The following KDM4C variants were observed in gnomAD, a reference collection of about 807,000 sequenced individuals.
KDM4C encodes the protein lysine-specific demethylase 4C.
KDM4C carries 81 observed loss-of-function variants against 129.3 expected under a neutral mutation model. The ratio of observed to expected loss-of-function variants is 0.63; its 90% CI spans 0.52 to 0.75. The LOEUF is 0.75. KDM4C is among the 30% of genes least tolerant of loss of function. The probability of loss-of-function intolerance (pLI) is 0.00; values close to 1 mark genes in which losing one functional copy is unlikely to be tolerated. For missense variants in KDM4C, 1,457 were observed against 1,304.0 expected (o/e 1.12, Z -1.81); for synonymous variants, 573 against 456.1 (o/e 1.26, Z -3.26).
Position 6,941,565 on chromosome 9 carries a change from T to C in KDM4C, c.922-39360T>C, listed in dbSNP as rs148765414. 3.3e-5 allele frequency: 5 copies of C among 152,296 alleles called. No individual in the cohort carries two copies. In the East Asian group the frequency reaches 9.6e-4, roughly 29 times the overall value. 9.4% of individuals were successfully genotyped at this position (152,296 alleles called of 1,614,324 possible). On this transcript the variant is annotated intron_variant, in intron 8 of 21. Transcript: ENST00000381309. The stretch of plus-strand genomic sequence containing the variant: ...TTCAGGGCCAATGATCTAATTTTGC[T>C]TTTCCTCTGACTGTTACCAGGAGGG...
At chr9:6,744,465 C>T (rs2130275397) in intron 1 of KDM4C, among the ~76,000 whole-genome samples, 1 of 152,158 alleles carries the variant, frequency 6.6e-6, no homozygotes, top group Non-Finnish European at 1.5e-5. Flanking sequence ...GCGGAGGTTG[C>T]AGTGAGCTGA....
At chr9:7,076,593 G>C (rs2132885062) in intron 17 of KDM4C, 1 of 1,473,956 alleles carries the variant, frequency 6.8e-7, no homozygotes, top group Non-Finnish European at 9.0e-7. Flanking sequence ...ATCGTGTTTA[G>C]GATGGGGATA....
intron 19 of KDM4C, among the ~76,000 whole-genome samples, chr9:7,158,482 G>A (rs998875214): frequency 6.6e-6 from 1 of 152,072 alleles, no homozygotes; most frequent in African/African-American, 2.4e-5. Context: ...TGGGCATTTA[G>A]TGCTATAAAT....
At chr9:6,886,879 A>G (rs1845371915) in intron 6 of KDM4C, among the ~76,000 whole-genome samples, 1 of 152,104 alleles carries the variant, frequency 6.6e-6, no homozygotes, top group African/African-American at 2.4e-5. Context: ...TGGCTTCCCA[A>G]AGTGGTGGGA....
chr9:6,966,086 G>A (rs1830912577), intron 8 of KDM4C, among the ~76,000 whole-genome samples: 1 of 152,148 alleles, frequency 6.6e-6, no homozygotes, highest in South Asian at 2.1e-4. Context: ...CATTTAGATG[G>A]AAGTAAGTCT....
At chr9:6,784,632 C>A (rs1351939944) in intron 1 of KDM4C, among the ~76,000 whole-genome samples, 1 of 152,246 alleles carries the variant, frequency 6.6e-6, no homozygotes, top group East Asian at 1.9e-4. Context: ...GTCTGCTCTT[C>A]CATTCCTACC....
At chr9:7,099,788 C>G (rs959143516) in intron 17 of KDM4C, among the ~76,000 whole-genome samples, 1 of 152,374 alleles carries the variant, frequency 6.6e-6, no homozygotes, top group South Asian at 2.1e-4. Context: ...GAGATACCCA[C>G]TAACAGCTTT....
chr9:7,008,588 G>C (rs1231287513), intron 12 of KDM4C, among the ~76,000 whole-genome samples: 1 of 152,114 alleles, frequency 6.6e-6, no homozygotes, highest in East Asian at 1.9e-4. Context: ...CCTGGCATTG[G>C]GCCAACTCCC....
chr9:7,040,858 T>C (rs949682019), intron 15 of KDM4C, among the ~76,000 whole-genome samples: 4 of 151,896 alleles, frequency 2.6e-5, no homozygotes, highest in Non-Finnish European at 5.9e-5. Context: ...TGTAGCCAGG[T>C]ATGTTTTATT....
intron 18 of KDM4C, among the ~76,000 whole-genome samples, chr9:7,113,592 A>G (rs1490045756): frequency 2.0e-5 from 3 of 152,226 alleles, no homozygotes; most frequent in Admixed American, 6.5e-5. Flanking sequence ...GAGGAGAGCC[A>G]CTGCAAACTC....
rs148748865 is a variant in KDM4C, at chr9:6,736,302, G to A, written c.49+15305G>A. 9.5e-3 allele frequency among the ~76,000 whole-genome samples: 1,448 copies of A among 152,310 alleles called. 22 individuals are homozygous for A. The highest frequency in any genetic ancestry group is 0.033 in the African/African-American group (1,378 of 41,570). On this transcript the variant is annotated intron_variant, in intron 1 of 17. Coordinates refer to the KDM4C transcript ENST00000536108. ...AGATGCAGAAATTTGCATAAGTAAT[G>A]AGGAGCTGAATGTTAATCCCCAAGA...
chr9:6,789,891 T>C (rs1826199735), intron 1 of KDM4C, among the ~76,000 whole-genome samples: 1 of 152,034 alleles, frequency 6.6e-6, no homozygotes, highest in African/African-American at 2.4e-5. Flanking sequence ...TATTTTCTCC[T>C]TTGGATTGTA....
chr9:7,065,029 G>C lies in KDM4C; in HGVS notation c.2424+15829G>C, dbSNP rs116763676. Among the ~76,000 whole-genome samples, 751 of 152,276 alleles carry C rather than the reference G, an allele frequency of 4.9e-3. 5 individuals are homozygous for C. Among genetic ancestry groups the C allele is most frequent in the African/African-American group, 0.017 (716 of 41,556 alleles). The stretch of plus-strand genomic sequence containing the variant: ...GACCAGAAGGAAGTCCAGTGTTCTA[G>C]TGAAAGATAAATGTGTCCTACAGTC... On this transcript the variant is annotated intron_variant, in intron 17 of 21. Transcript: ENST00000381309.
At position 6,776,412 on chromosome 9, in the gene KDM4C, C is replaced by T. The variant is rs540168659; in HGVS notation, c.-17-16560C>T. ...GAGAAGCTGGGAATACGGGCCAATGCCATCACGACCAGCTAATTTTTTGTA... is the reference window on the plus strand; with the variant it reads ...GAGAAGCTGGGAATACGGGCCAATGTCATCACGACCAGCTAATTTTTTGTA... On this transcript the variant is annotated intron_variant, in intron 1 of 21. Transcript: ENST00000381309. 3.9e-5 allele frequency among the ~76,000 whole-genome samples: 6 copies of T among 152,184 alleles called. No homozygotes were observed. The East Asian group carries it at 1.2e-3, about 29-fold the overall frequency.
chr9:6,980,068 T>G (rs1472598051), intron 8 of KDM4C, among the ~76,000 whole-genome samples: 1 of 152,200 alleles, frequency 6.6e-6, no homozygotes, highest in Non-Finnish European at 1.5e-5. Flanking sequence ...TCTTATTGTG[T>G]CAAAACTGTT....
At chr9:7,068,797 A>G (rs942838385) in intron 17 of KDM4C, among the ~76,000 whole-genome samples, 1 of 148,826 alleles carries the variant, frequency 6.7e-6, no homozygotes, top group African/African-American at 2.5e-5. Context: ...CCCAGGTTCA[A>G]GCAAGTCTCC....
chr9:6,916,463 C>A (rs537918503), intron 8 of KDM4C, among the ~76,000 whole-genome samples: 2 of 152,004 alleles, frequency 1.3e-5, no homozygotes, highest in African/African-American at 4.8e-5. Context: ...TTTATAGAGA[C>A]AGGCCTCACT....
In KDM4C at chr9:6,805,712, G is replaced by A. The variant is rs1829841983; in HGVS notation, c.258G>A (p.Gln86=). Residue 86 remains glutamine (Q), a synonymous_variant, in exon 3 of 22, where the codon CAG becomes CAA. Coordinates refer to ENST00000381309, the MANE Select transcript of KDM4C (RefSeq NM_015061.6). ...MVTGQSGLFT[Q]YNIQKKAMTV... is the part of the protein sequence containing the mutation. ...CAGGGCAGTCAGGACTGTTCACTCA[G>A]TACAACATCCAGAAAAAAGCGATGA... 2 of 1,614,138 alleles carry A rather than the reference G, an allele frequency of 1.2e-6. No individual in the cohort carries two copies. Among genetic ancestry groups the A allele is most frequent in the South Asian group, 2.2e-5 (2 of 91,074 alleles).
intron 8 of KDM4C, among the ~76,000 whole-genome samples, chr9:6,907,632 A>G (rs986337151): frequency 2.6e-5 from 4 of 152,204 alleles, no homozygotes; most frequent in African/African-American, 9.6e-5. Context: ...GCATTACTCT[A>G]TAATTAATAA....
Sources: allele counts gnomAD v4.1 joint callset (sites outside exome capture counted in the v4.1 genomes callset), GRCh38; gene constraint gnomAD v4.1.1; transcripts MANE v1.5; gene names NCBI Gene and HGNC (gene_info 2026-07-23, HGNC 2026-07-21).